Variants in ERCC6L2 observed in about 807,000 individuals in gnomAD.
ERCC6L2 encodes ERCC excision repair 6 like 2, also known as DNA excision repair protein ERCC-6-like 2.
In ERCC6L2, 77 loss-of-function variants were observed where a neutral mutation model predicts 132.0. That is an observed-to-expected ratio of 0.58 (90% CI 0.49 to 0.71). ERCC6L2 has a LOEUF of 0.71. ERCC6L2 is among the 30% of genes least tolerant of loss of function. ERCC6L2 has a pLI of 0.00. For missense variants in ERCC6L2, 1,542 were observed against 1,837.6 expected (o/e 0.84, Z 2.94); for synonymous variants, 583 against 632.4 (o/e 0.92, Z 1.17).
At chr9:95,885,945 G>A (rs147619786) in intron 2 of ERCC6L2, among the ~76,000 whole-genome samples, 1 of 152,286 alleles carries the variant, frequency 6.6e-6, no homozygotes, top group Non-Finnish European at 1.5e-5. Flanking sequence ...AGAAAACTTT[G>A]ATTAATCTGG....
At chr9:96,037,464 C>A (rs1796563700) in intron 19 of ERCC6L2, among the ~76,000 whole-genome samples, 1 of 152,150 alleles carries the variant, frequency 6.6e-6, no homozygotes, top group Non-Finnish European at 1.5e-5. Context: ...TTATTATTGT[C>A]TTGTTTTATT....
At chr9:95,998,363 A>G (rs1428264735) in intron 17 of ERCC6L2, among the ~76,000 whole-genome samples, 1 of 152,200 alleles carries the variant, frequency 6.6e-6, no homozygotes, top group Non-Finnish European at 1.5e-5. Flanking sequence ...AATACATTAC[A>G]TTACCCAGCA....
At chr9:95,897,431 A>G (rs991708113) in intron 2 of ERCC6L2, among the ~76,000 whole-genome samples, 3 of 152,182 alleles carry the variant, frequency 2.0e-5, no homozygotes, top group Non-Finnish European at 4.4e-5. Context: ...TTTATTAGAT[A>G]AATAGAAGTG....
rs1216676776 is a variant in ERCC6L2, at chr9:95,972,030, A to C, written c.2279A>C (p.Glu760Ala). 2.3e-6 allele frequency: 3 copies of C among 1,304,260 alleles called. No individual in the cohort carries two copies. The South Asian group carries it at 3.7e-5, about 16-fold the overall frequency. 80.8% of individuals were successfully genotyped at this position (1,304,260 alleles called of 1,614,324 possible). A position where few individuals can be genotyped will look rare whatever the true frequency, so the allele number is the denominator to read the frequency against. ...GATCTCTGCAGTGACTTCAGTGATGAAGAGCCAGTGGGAGCCACAGGAATA... is the reference window on the plus strand; with the variant it reads ...GATCTCTGCAGTGACTTCAGTGATGCAGAGCCAGTGGGAGCCACAGGAATA... Reference protein sequence around the residue: ...ACDLCSDFSDEEPVGATGIKT... With the variant: ...ACDLCSDFSDAEPVGATGIKT... Residue 760 changes from glutamate (E) to alanine (A), a missense_variant, in exon 16 of 19, where the codon GAA becomes GCA. Glu to Ala is a moderately radical substitution (Grantham distance 107, BLOSUM62 -1). This residue lies in a region of ERCC6L2 where 945 missense variants were observed against 1,105.2 expected (regional missense o/e 0.86). Coordinates refer to ENST00000653738, the MANE Select transcript of ERCC6L2 (RefSeq NM_020207.7).
Position 95,875,897 on chromosome 9 carries a change from C to T in ERCC6L2, c.-142C>T. ...GGGATCCCCCTCCTCCATCCTGTGG[C>T]TTCGGGTTGCCGAAGAGCGATGCTC... On this transcript the variant is annotated 5_prime_UTR_variant, in exon 1 of 19. Coordinates refer to ENST00000653738, the MANE Select transcript of ERCC6L2 (RefSeq NM_020207.7). 2 of 847,420 alleles carry T rather than the reference C, an allele frequency of 2.4e-6. No individual in the cohort carries two copies. The highest frequency in any genetic ancestry group is 3.7e-6 in the Non-Finnish European group (2 of 536,482). 52.5% of individuals were successfully genotyped at this position (847,420 alleles called of 1,614,324 possible).
At chr9:95,897,234 A>G (rs1828513918) in intron 2 of ERCC6L2, among the ~76,000 whole-genome samples, 2 of 152,184 alleles carry the variant, frequency 1.3e-5, no homozygotes, top group African/African-American at 2.4e-5. Flanking sequence ...CAGCCAAGCA[A>G]TCAGAGCTAA....
At chr9:95,976,307 T>C (rs1054548633) in intron 16 of ERCC6L2, among the ~76,000 whole-genome samples, 3 of 152,272 alleles carry the variant, frequency 2.0e-5, no homozygotes, top group South Asian at 4.2e-4. Flanking sequence ...TTCCTCTTTA[T>C]TGGGCCCTGA....
At chr9:95,996,402 C>G (rs1833472686) in intron 17 of ERCC6L2, among the ~76,000 whole-genome samples, 1 of 152,238 alleles carries the variant, frequency 6.6e-6, no homozygotes, top group African/African-American at 2.4e-5. Context: ...GAAGCTGCAG[C>G]AAGTTATCCA....
In ERCC6L2 at chr9:96,014,552, T is replaced by C. The variant is rs143617443; in HGVS notation, c.*1349T>C. The C allele has an allele frequency of 6.6e-6, 1 of 152,344 alleles. No homozygotes were observed. The highest frequency in any genetic ancestry group is 1.9e-4 in the East Asian group (1 of 5,190). The allele number at this position is 152,344 out of a possible 1,614,324, so 9.4% of individuals were successfully genotyped here. ...ACATATATGATTGGAATAAAATGTT[T>C]ATGAAATATTTACTCATAAGCCATG... On this transcript the variant is annotated 3_prime_UTR_variant, in exon 19 of 19. Coordinates refer to ENST00000653738, the MANE Select transcript of ERCC6L2 (RefSeq NM_020207.7).
chr9:95,875,771 A>G lies in ERCC6L2; in HGVS notation c.-268A>G. 3.7e-6 allele frequency: 2 copies of G among 536,330 alleles called. No individual in the cohort carries two copies. The highest frequency in any genetic ancestry group is 6.7e-6 in the Non-Finnish European group (2 of 297,086). 33.2% of individuals were successfully genotyped at this position (536,330 alleles called of 1,614,324 possible). A position where few individuals can be genotyped will look rare whatever the true frequency, so the allele number is the denominator to read the frequency against. ...CGGCGGAGCCCGAGAGAACTAGGTG[A>G]ACACCGCTTTGCCAGCCTCACACAG... On this transcript the variant is annotated 5_prime_UTR_variant, in exon 1 of 19. Transcript: ENST00000653738.
intron 6 of ERCC6L2, among the ~76,000 whole-genome samples, chr9:95,916,897 C>G (rs947132123): frequency 2.0e-5 from 3 of 152,006 alleles, no homozygotes; most frequent in African/African-American, 7.2e-5. Flanking sequence ...GTTGTCTAGG[C>G]TGGTTTCGAA....
At chr9:95,930,780 G>C (rs1343372780) in intron 11 of ERCC6L2, among the ~76,000 whole-genome samples, 1 of 151,988 alleles carries the variant, frequency 6.6e-6, no homozygotes, top group African/African-American at 2.4e-5. Context: ...AATGATTCAA[G>C]TTTTGATGTT....
At chr9:95,921,384 A>C (rs1040615693) in intron 7 of ERCC6L2, 69 bp downstream of exon 7, 19 of 1,267,664 alleles carry the variant, frequency 1.5e-5, no homozygotes, top group Admixed American at 2.6e-5. Context: ...GTGTAAAAGA[A>C]AGTAGCAGAT....
At chr9:96,005,351 G>A (rs937344692) in intron 18 of ERCC6L2, among the ~76,000 whole-genome samples, 2 of 151,994 alleles carry the variant, frequency 1.3e-5, no homozygotes, top group Non-Finnish European at 2.9e-5. Flanking sequence ...CAGTACAGAG[G>A]AATGGGTTTG....
chr9:95,941,369 T>C (rs1389800246), intron 11 of ERCC6L2, 85 bp from the exon 12 acceptor site: 2 of 908,746 alleles, frequency 2.2e-6, no homozygotes, highest in African/African-American at 1.7e-5. Context: ...CTGTTTTGGC[T>C]ATAGAAACCT....
intron 12 of ERCC6L2, among the ~76,000 whole-genome samples, chr9:95,952,567 A>G (rs1275042711): frequency 6.6e-6 from 1 of 152,140 alleles, no homozygotes; most frequent in Admixed American, 6.5e-5. Flanking sequence ...GACAAAAACA[A>G]CACATTAAAA....
chr9:95,928,487 A>G (rs1830195610), intron 10 of ERCC6L2, among the ~76,000 whole-genome samples: 1 of 152,218 alleles, frequency 6.6e-6, no homozygotes, highest in Non-Finnish European at 1.5e-5. Flanking sequence ...TGTTTCTTAA[A>G]AATGAAAAGA....
At chr9:95,967,155 C>T (rs1832196463) in intron 14 of ERCC6L2, 1 of 152,370 alleles carries the variant, frequency 6.6e-6, no homozygotes, top group South Asian at 2.1e-4. Context: ...AAAAATTCCA[C>T]ACCAGTATTT....
intron 6 of ERCC6L2, among the ~76,000 whole-genome samples, chr9:95,919,170 A>G (rs911221482): frequency 6.6e-6 from 1 of 152,026 alleles, no homozygotes; most frequent in Admixed American, 6.6e-5. Flanking sequence ...CTGTGTCTAC[A>G]TTTCTGAGCC....
Sources: gnomAD v4.1 joint callset for allele counts (sites outside exome capture counted in the v4.1 genomes callset) on GRCh38, gnomAD v4.1.1 for gene constraint, gnomAD v4.1.1 regional missense constraint, MANE v1.5 for transcripts, NCBI Gene and HGNC (gene_info 2026-07-23, HGNC 2026-07-21) for gene names.